Variants in CFAP44 observed in about 807,000 individuals in gnomAD.
CFAP44 encodes cilia- and flagella-associated protein 44.
CFAP44 carries 134 observed loss-of-function variants against 216.2 expected under a neutral mutation model. That is an observed-to-expected ratio of 0.62 (90% CI 0.54 to 0.72). The LOEUF is 0.72. CFAP44 is among the 30% of genes least tolerant of loss of function. CFAP44 has a pLI of 0.00. For missense variants in CFAP44, 2,035 were observed against 2,182.1 expected (o/e 0.93, Z 1.34); for synonymous variants, 700 against 727.6 (o/e 0.96, Z 0.61).
chr3:113,439,308 C>A (rs552903114), intron 1 of CFAP44, among the ~76,000 whole-genome samples: 2 of 152,112 alleles, frequency 1.3e-5, no homozygotes, highest in African/African-American at 4.8e-5. Context: ...TGGGTTCTCA[C>A]GCTTGTATGC....
intron 26 of CFAP44, among the ~76,000 whole-genome samples, chr3:113,328,722 A>AC (rs1950214426): frequency 1.4e-5 from 2 of 138,920 alleles, no homozygotes; most frequent in African/African-American, 5.4e-5. Context: ...AAAAAAAAAA[A>AC]AAAAAACAGA....
intron 15 of CFAP44, among the ~76,000 whole-genome samples, chr3:113,385,997 G>A (rs1263018847): frequency 1.3e-5 from 2 of 151,920 alleles, no homozygotes; most frequent in Non-Finnish European, 2.9e-5. Flanking sequence ...TTAGAAGTGG[G>A]ATACTGAAAT....
intron 34 of CFAP44, 52 bp downstream of exon 34, chr3:113,294,635 T>C: frequency 6.8e-7 from 1 of 1,475,258 alleles, no homozygotes. Flanking sequence ...AATAGCTACC[T>C]TTGACAGAGC....
At chr3:113,424,004 A>C (rs1934891937) in intron 4 of CFAP44, among the ~76,000 whole-genome samples, 2 of 152,240 alleles carry the variant, frequency 1.3e-5, no homozygotes, top group African/African-American at 4.8e-5. Context: ...GCTCAAGAGT[A>C]GGCTAGAGTC....
chr3:113,403,919 C>A lies in CFAP44; in HGVS notation c.1103G>T (p.Gly368Val). The change falls in exon 9 of 35, where the codon GGT becomes GTT. Residue 368 changes from glycine (G) to valine (V), a missense_variant. Gly to Val is a moderately radical substitution (Grantham distance 109). Transcript: ENST00000393845. The stretch of plus-strand genomic sequence containing the variant: ...ATACAGCATTATCTGGTTAATGGGA[C>A]CATTGTGACATGACTTGCTTGTCCC... ...CRGTSKSCHN[G>V]PINQIMLYEG... 1 of 1,614,134 alleles carries A rather than the reference C, an allele frequency of 6.2e-7. No homozygotes were observed. Among genetic ancestry groups the A allele is most frequent in the Non-Finnish European group, 8.5e-7 (1 of 1,180,020 alleles).
At chr3:113,312,919 G>A (rs1303690298) in intron 28 of CFAP44, among the ~76,000 whole-genome samples, 1 of 152,170 alleles carries the variant, frequency 6.6e-6, no homozygotes, top group Admixed American at 6.5e-5. Context: ...TTGCTGCAGG[G>A]GTGGGGCACT....
At chr3:113,402,050 C>G (rs1934156364) in intron 9 of CFAP44, among the ~76,000 whole-genome samples, 1 of 152,134 alleles carries the variant, frequency 6.6e-6, no homozygotes, top group Non-Finnish European at 1.5e-5. Context: ...TCTCTTTTTA[C>G]ATAAAGTGGC....
intron 28 of CFAP44, among the ~76,000 whole-genome samples, chr3:113,320,402 A>AGATATATACATGATATATATAT (rs1182037852): frequency 1.4e-5 from 2 of 142,700 alleles, no homozygotes; most frequent in Non-Finnish European, 3.1e-5. Context: ...AACATGGAGC[A>AGATATATACATGATATATATAT]GATATATACA....
At chr3:113,353,762 G>C (rs769031213) in intron 22 of CFAP44, among the ~76,000 whole-genome samples, 3 of 149,404 alleles carry the variant, frequency 2.0e-5, no homozygotes, top group Non-Finnish European at 4.4e-5. Flanking sequence ...GAGAGAACCA[G>C]AGTCAGAGAG....
At chr3:113,374,244 G>A (rs978953635) in intron 17 of CFAP44, among the ~76,000 whole-genome samples, 2 of 151,916 alleles carry the variant, frequency 1.3e-5, no homozygotes, top group Non-Finnish European at 2.9e-5. Context: ...AACAAATTTT[G>A]TAAATGTGTT....
At chr3:113,372,067 A>T (rs1933184390) in intron 18 of CFAP44, among the ~76,000 whole-genome samples, 1 of 152,244 alleles carries the variant, frequency 6.6e-6, no homozygotes, top group Admixed American at 6.5e-5. Flanking sequence ...CTCATTAAAA[A>T]GTCAGGAAAC....
chr3:113,327,702 T>G lies in CFAP44; in HGVS notation c.4234A>C (p.Ile1412Leu). 6.5e-7 allele frequency: 1 copy of G among 1,537,048 alleles called. No homozygotes were observed. Among genetic ancestry groups the G allele is most frequent in the South Asian group, 1.2e-5 (1 of 84,054 alleles). ...DLHHVTLFQE[I>L]LLLKNFEKQE... ...TTTTCAAAATTCTTCAGGAGAAGTA[T>G]TTCTTGAAATAAGGTGACATGGTGC... The change falls in exon 27 of 35, where the codon ATA becomes CTA. Residue 1412 changes from isoleucine to leucine, a missense_variant. Around this residue, in one of 3 missense-constraint regions of CFAP44, gnomAD observed 1,883 missense variants for 2,023.7 expected, o/e 0.93. Coordinates refer to ENST00000393845, the MANE Select transcript of CFAP44 (RefSeq NM_001164496.2).
At chr3:113,368,685 A>G (rs1012600516) in intron 18 of CFAP44, among the ~76,000 whole-genome samples, 2 of 152,030 alleles carry the variant, frequency 1.3e-5, no homozygotes, top group Non-Finnish European at 2.9e-5. Context: ...GCATCAATTA[A>G]CAGGCAAAAT....
At chr3:113,436,116 T>A (rs573981432) in intron 1 of CFAP44, among the ~76,000 whole-genome samples, 1 of 152,310 alleles carries the variant, frequency 6.6e-6, no homozygotes, top group African/African-American at 2.4e-5. Context: ...CATCTCAACA[T>A]CCACTCCAGC....
chr3:113,330,080 T>G, intron 26 of CFAP44, 88 bp downstream of exon 26: 1 of 1,422,426 alleles, frequency 7.0e-7, no homozygotes, highest in Non-Finnish European at 9.2e-7. Context: ...TGCAGAGAAA[T>G]TTTAAATAAA....
chr3:113,396,773 G>A, intron 13 of CFAP44, 46 bp from the exon 14 acceptor site: 1 of 1,564,244 alleles, frequency 6.4e-7, no homozygotes, highest in East Asian at 2.3e-5. Flanking sequence ...GTTAAATTGA[G>A]AAAGTTGTAC....
chr3:113,341,901 G>C lies in CFAP44; in HGVS notation c.3280C>G (p.Gln1094Glu). 6.5e-7 allele frequency: 1 copy of C among 1,528,892 alleles called. No individual in the cohort carries two copies. Among genetic ancestry groups the C allele is most frequent in the Non-Finnish European group, 8.7e-7 (1 of 1,145,046 alleles). The allele number at this position is 1,528,892 out of a possible 1,614,324, so 94.7% of individuals were successfully genotyped here. ...CCTTTTTCTATTATTGATTCTTCTT[G>C]TATGGTAACACTCCCACCTACATAG... is the stretch of plus-strand genomic sequence containing the variant. The part of the protein sequence containing the change: ...QRDAGGSVTI[Q>E]EESIIEKGKK... The change falls in exon 24 of 35, where the codon CAA becomes GAA. Residue 1094 changes from glutamine (Q) to glutamate (E), a missense_variant. Coordinates refer to ENST00000393845, the MANE Select transcript of CFAP44 (RefSeq NM_001164496.2).
At chr3:113,313,963 G>A (rs1295311917) in intron 28 of CFAP44, among the ~76,000 whole-genome samples, 1 of 152,090 alleles carries the variant, frequency 6.6e-6, no homozygotes, top group Non-Finnish European at 1.5e-5. Flanking sequence ...AGACAGAAGA[G>A]AATCAATAAA....
intron 24 of CFAP44, among the ~76,000 whole-genome samples, chr3:113,340,962 C>G (rs1280275020): frequency 6.6e-6 from 1 of 152,210 alleles, no homozygotes; most frequent in Admixed American, 6.5e-5. Flanking sequence ...AGCCCCAGCC[C>G]GACTGTCCCG....
Sources: allele counts gnomAD v4.1 joint callset (sites outside exome capture counted in the v4.1 genomes callset), GRCh38; gene constraint gnomAD v4.1.1; regional missense constraint gnomAD v4.1.1; transcripts MANE v1.5; gene names NCBI Gene and HGNC (gene_info 2026-07-23, HGNC 2026-07-21).